KCNT2: variants seen among roughly 807,000 people sequenced by gnomAD.
KCNT2 encodes potassium channel subfamily T member 2.
Under a neutral mutation model 153.8 loss-of-function variants are expected in KCNT2, and 67 were observed. That is an observed-to-expected ratio of 0.44 (90% CI 0.36 to 0.53). The LOEUF (loss-of-function observed/expected upper bound fraction) is 0.53, where lower values mean the gene tolerates loss of function less well. KCNT2 is among the 20% of genes least tolerant of loss of function. The pLI is 0.00. For synonymous variants in KCNT2, 500 were observed against 458.8 expected (o/e 1.09, Z -1.15); for missense variants, 975 against 1,354.8 (o/e 0.72, Z 4.40).
intron 12 of KCNT2, among the ~76,000 whole-genome samples, chr1:196,414,062 C>A (rs967395496): frequency 1.3e-5 from 2 of 151,398 alleles, no homozygotes; most frequent in African/African-American, 4.8e-5. Context: ...AAAAGCTGTA[C>A]CATACCAAGG....
intron 12 of KCNT2, among the ~76,000 whole-genome samples, chr1:196,420,975 A>G (rs1673153241): frequency 6.6e-6 from 1 of 152,056 alleles, no homozygotes; most frequent in Admixed American, 6.6e-5. Flanking sequence ...GTATTCATGT[A>G]TTTAGTCATA....
chr1:196,278,074 T>A (rs1367148995), intron 25 of KCNT2, among the ~76,000 whole-genome samples: 1 of 152,160 alleles, frequency 6.6e-6, no homozygotes, highest in African/African-American at 2.4e-5. Flanking sequence ...TACTCATTCT[T>A]TTAAAAAATG....
chr1:196,250,012 T>A (rs1655810166), intron 26 of KCNT2, among the ~76,000 whole-genome samples: 1 of 152,248 alleles, frequency 6.6e-6, no homozygotes, highest in Non-Finnish European at 1.5e-5. Flanking sequence ...ATTGTTAAAA[T>A]GCCCATACTA....
rs374289080 is a variant in KCNT2, at chr1:196,331,271, A to T, written c.1998-10T>A. The T allele has an allele frequency of 2.3e-6, 3 of 1,333,060 alleles. No homozygotes were observed. The highest frequency in any genetic ancestry group is 3.2e-6 in the Non-Finnish European group (3 of 925,056). The allele number at this position is 1,333,060 out of a possible 1,614,324, so 82.6% of individuals were successfully genotyped here. ...GTAACCTTTAGCATACCTGTAAAAT[A>T]ATACAAAATATTACCCTTGGATAAG... is the stretch of plus-strand genomic sequence containing the variant. On this transcript the variant is annotated splice_polypyrimidine_tract_variant and intron_variant, in intron 17 of 27. Coordinates refer to ENST00000294725, the MANE Select transcript of KCNT2 (RefSeq NM_198503.5).
At chr1:196,277,125 T>A (rs572390665) in intron 25 of KCNT2, among the ~76,000 whole-genome samples, 88 of 152,304 alleles carry the variant, frequency 5.8e-4, no homozygotes, top group Admixed American at 2.6e-3. Flanking sequence ...TTTTATCTTT[T>A]CTTTACTCAT....
intron 1 of KCNT2, 124 bp downstream of exon 1, chr1:196,608,091 C>A: frequency 1.2e-6 from 1 of 814,072 alleles, no homozygotes; most frequent in Non-Finnish European, 2.2e-6. Context: ...TTACTCCCTC[C>A]CCCAGCCTAG....
At chr1:196,440,353 T>C (rs904238022) in intron 8 of KCNT2, among the ~76,000 whole-genome samples, 1 of 152,054 alleles carries the variant, frequency 6.6e-6, no homozygotes, top group Admixed American at 6.6e-5. Flanking sequence ...TCAAATACAT[T>C]TGGCAATTCT....
intron 14 of KCNT2, among the ~76,000 whole-genome samples, chr1:196,345,029 A>G (rs1175275239): frequency 6.6e-6 from 1 of 152,286 alleles, no homozygotes; most frequent in African/African-American, 2.4e-5. Flanking sequence ...GCTGATGTGT[A>G]TATCCAGTCC....
chr1:196,591,192 AAG>A (rs980488066), intron 1 of KCNT2, among the ~76,000 whole-genome samples: 8 of 152,072 alleles, frequency 5.3e-5, no homozygotes, highest in Non-Finnish European at 8.8e-5. Flanking sequence ...CTGAGTTCAC[AAG>A]AGAGTTGGTT....
chr1:196,246,321 C>A (rs1171202802), intron 26 of KCNT2, among the ~76,000 whole-genome samples: 1 of 152,128 alleles, frequency 6.6e-6, no homozygotes, highest in Non-Finnish European at 1.5e-5. Context: ...CTTTCCCAGT[C>A]AGACAAATCT....
chr1:196,236,326 G>T (rs2102237459), intron 26 of KCNT2, among the ~76,000 whole-genome samples: 1 of 151,472 alleles, frequency 6.6e-6, no homozygotes, highest in Admixed American at 6.6e-5. Flanking sequence ...CACAGTTATA[G>T]TTTACCGTTT....
intron 1 of KCNT2, among the ~76,000 whole-genome samples, chr1:196,595,254 A>G (rs1010142982): frequency 6.6e-6 from 1 of 152,118 alleles, no homozygotes; most frequent in Non-Finnish European, 1.5e-5. Flanking sequence ...TATTGATATT[A>G]ATGAATTAAT....
intron 12 of KCNT2, among the ~76,000 whole-genome samples, chr1:196,399,578 G>A (rs1159244909): frequency 6.6e-6 from 1 of 151,776 alleles, no homozygotes; most frequent in African/African-American, 2.4e-5. Context: ...AGCACTATTA[G>A]TGAAAGGAAA....
intron 8 of KCNT2, among the ~76,000 whole-genome samples, chr1:196,449,856 T>A (rs1427586334): frequency 6.6e-6 from 1 of 151,548 alleles, no homozygotes; most frequent in African/African-American, 2.4e-5. Context: ...AAAAATTGAC[T>A]TTATGATGTT....
At chr1:196,287,484 G>C (rs1195387696) in intron 22 of KCNT2, among the ~76,000 whole-genome samples, 1 of 151,586 alleles carries the variant, frequency 6.6e-6, no homozygotes, top group Non-Finnish European at 1.5e-5. Flanking sequence ...AACATTCCTT[G>C]GTTCAATTAC....
Position 196,389,460 on chromosome 1 carries a change from T to C in KCNT2, c.1294+9103A>G, listed in dbSNP as rs144136494. On this transcript the variant is annotated intron_variant, in intron 13 of 27. Transcript: ENST00000294725. ...TTGGAATTTCCCATTTATTGATATGTCTAGTCATTTCAATTGGATACTGGC... is the reference window on the plus strand; with the variant it reads ...TTGGAATTTCCCATTTATTGATATGCCTAGTCATTTCAATTGGATACTGGC... Among the ~76,000 whole-genome samples, 499 of 151,804 alleles carry C rather than the reference T, an allele frequency of 3.3e-3. 1 individual carries two copies. Among genetic ancestry groups the C allele is most frequent in the African/African-American group, 0.011 (469 of 41,502 alleles).
intron 1 of KCNT2, among the ~76,000 whole-genome samples, chr1:196,593,349 T>C (rs1663642198): frequency 6.9e-6 from 1 of 145,248 alleles, no homozygotes; most frequent in Admixed American, 6.8e-5. Context: ...CACATATATA[T>C]GTGTATATAT....
chr1:196,290,261 G>A (rs1571924409), intron 22 of KCNT2, among the ~76,000 whole-genome samples: 1 of 152,100 alleles, frequency 6.6e-6, no homozygotes, highest in East Asian at 1.9e-4. Context: ...TTCTTACAGT[G>A]TTTGACAAAC....
chr1:196,329,950 CATATATATATATAT>C (rs71154737), intron 18 of KCNT2, among the ~76,000 whole-genome samples: 25 of 73,526 alleles, frequency 3.4e-4, no homozygotes, highest in Non-Finnish European at 1.2e-4. Context: ...TTCCTCAAGA[CATATATATATATAT>C]ATATATATAT....
Sources: gnomAD v4.1 joint callset for allele counts (sites outside exome capture counted in the v4.1 genomes callset) on GRCh38, gnomAD v4.1.1 for gene constraint, MANE v1.5 for transcripts, NCBI Gene and HGNC (gene_info 2026-07-23, HGNC 2026-07-21) for gene names.